Variants in SP100 observed in about 807,000 individuals in gnomAD.
SP100 encodes the protein nuclear autoantigen Sp-100.
A neutral mutation model predicts 130.0 loss-of-function variants in SP100; 84 were observed. The ratio of observed to expected loss-of-function variants is 0.65; its 90% CI spans 0.54 to 0.77. The LOEUF is 0.77. SP100 is among the 30% of genes least tolerant of loss of function. The probability of loss-of-function intolerance (pLI) is 0.00; values close to 1 mark genes in which losing one functional copy is unlikely to be tolerated. For missense variants in SP100, 978 were observed against 1,052.2 expected (o/e 0.93, Z 0.97); for synonymous variants, 331 against 351.7 (o/e 0.94, Z 0.66).
In SP100 at chr2:230,494,459, A is replaced by T; in HGVS notation, c.1644A>T (p.Arg548Ser). The T allele has an allele frequency of 6.2e-7, 1 of 1,606,092 alleles. No homozygotes were observed. The change falls in exon 18 of 29, where the codon AGA becomes AGT. Residue 548 changes from arginine (R) to serine (S), a missense_variant and splice_region_variant. Transcript: ENST00000340126. ...GATCTAAAGTAAATGGTCTCCAAAG[A>T]GGTAAGAAGAAATGTGGGGATTTAC... Reference protein sequence around the residue: ...RHRSKVNGLQRGRKKDRPRKH... With the variant: ...RHRSKVNGLQSGRKKDRPRKH...
Position 230,524,149 on chromosome 2 carries a change from C to T in SP100, c.2094+12983C>T, listed in dbSNP as rs1433825821. 1.1e-4 allele frequency among the ~76,000 whole-genome samples: 12 copies of T among 108,074 alleles called. No homozygotes were observed. In the East Asian group the frequency reaches 3.0e-3, roughly 27 times the overall value. 70.9% of individuals were successfully genotyped at this position (108,074 alleles called of 152,430 possible). On this transcript the variant is annotated intron_variant, in intron 24 of 28. Transcript: ENST00000340126. The stretch of plus-strand genomic sequence containing the variant: ...AGGATTTCGAGACCAGCCTGACCAA[C>T]ATGGTGAAACCCTGTCTATACTAAA...
intron 22 of SP100, 86 bp downstream of exon 22, chr2:230,506,531 A>G (rs1051770539): frequency 1.4e-5 from 20 of 1,392,470 alleles, no homozygotes; most frequent in Non-Finnish European, 1.8e-5. Flanking sequence ...CTCAGTGCCC[A>G]GAAATTCATC....
At chr2:230,445,714 C>G (rs979769238) in intron 4 of SP100, among the ~76,000 whole-genome samples, 2 of 152,124 alleles carry the variant, frequency 1.3e-5, no homozygotes, top group Non-Finnish European at 2.9e-5. Flanking sequence ...GCAGGATGGT[C>G]CAGGCTGCGG....
chr2:230,538,358 C>T (rs1188900466), intron 24 of SP100: 1 of 152,140 alleles, frequency 6.6e-6, no homozygotes, highest in Non-Finnish European at 1.5e-5. Context: ...TATCAGAAAC[C>T]TTGACCCAGC....
At chr2:230,527,552 C>T (rs964876544) in intron 24 of SP100, among the ~76,000 whole-genome samples, 1 of 152,170 alleles carries the variant, frequency 6.6e-6, no homozygotes, top group South Asian at 2.1e-4. Context: ...ATCATAATGA[C>T]AGGATCAAAC....
intron 17 of SP100, among the ~76,000 whole-genome samples, chr2:230,487,343 T>G (rs1167611736): frequency 1.3e-5 from 2 of 152,170 alleles, no homozygotes; most frequent in African/African-American, 4.8e-5. Context: ...TGAGTTAATT[T>G]TTGTGTAAGG....
chr2:230,501,191 G>A (rs1432173958), intron 19 of SP100, among the ~76,000 whole-genome samples: 10 of 152,110 alleles, frequency 6.6e-5, no homozygotes, highest in South Asian at 2.1e-4. Context: ...GCAGCCAGCC[G>A]AGATCCGTGC....
At chr2:230,531,414 G>C (rs1691695856) in intron 24 of SP100, among the ~76,000 whole-genome samples, 1 of 148,438 alleles carries the variant, frequency 6.7e-6, no homozygotes, top group East Asian at 2.0e-4. Context: ...ACCGGGGCCT[G>C]TTGGGGGGTT....
At chr2:230,459,746 C>T (rs1034083077) in intron 8 of SP100, among the ~76,000 whole-genome samples, 1 of 152,216 alleles carries the variant, frequency 6.6e-6, no homozygotes, top group Non-Finnish European at 1.5e-5. Context: ...AGACCCCTGT[C>T]ACTCTCACTA....
Position 230,476,333 on chromosome 2 carries a change from C to G in SP100, c.1600+1886C>G, listed in dbSNP as rs140181624. 6.5e-3 allele frequency among the ~76,000 whole-genome samples: 997 copies of G among 152,242 alleles called. 13 individuals are homozygous for G. The highest frequency in any genetic ancestry group is 0.022 in the African/African-American group (932 of 41,546). On this transcript the variant is annotated intron_variant, in intron 17 of 28. Transcript: ENST00000340126. ...GGGACTGTGTTCTTCATTTGATTCT[C>G]AGCTAGAACGTTTTTAGTGTATAAA...
intron 24 of SP100, chr2:230,515,854 A>G (rs1384717123): frequency 1.5e-6 from 2 of 1,312,770 alleles, no homozygotes; most frequent in African/African-American, 3.0e-5. Context: ...TGCCTGGTAC[A>G]GTATGGGGGT....
intron 11 of SP100, among the ~76,000 whole-genome samples, chr2:230,465,874 A>T (rs2064919335): frequency 6.6e-6 from 1 of 152,066 alleles, no homozygotes; most frequent in Admixed American, 6.6e-5. Flanking sequence ...AAGGAGAGAG[A>T]GAAAAACGCT....
intron 2 of SP100, among the ~76,000 whole-genome samples, chr2:230,437,632 C>A (rs1263326647): frequency 6.6e-6 from 1 of 151,980 alleles, no homozygotes; most frequent in African/African-American, 2.4e-5. Flanking sequence ...TGCAGAGGCT[C>A]ACTGCATCCT....
At chr2:230,501,343 T>C (rs2067011051) in intron 19 of SP100, among the ~76,000 whole-genome samples, 1 of 152,208 alleles carries the variant, frequency 6.6e-6, no homozygotes, top group Non-Finnish European at 1.5e-5. Flanking sequence ...CCTCCCCATG[T>C]ATCTCCATAA....
intron 8 of SP100, among the ~76,000 whole-genome samples, chr2:230,460,591 T>C (rs924376275): frequency 1.7e-5 from 1 of 59,820 alleles, no homozygotes; most frequent in South Asian, 4.3e-4. Context: ...GTAATCTGTT[T>C]CTTTTTTTTT....
In SP100 at chr2:230,416,745, T is replaced by C. The variant is rs2062609854; in HGVS notation, c.32+417T>C. The C allele has an allele frequency of 5.1e-6, 5 of 989,266 alleles. No individual in the cohort carries two copies. In the South Asian group the frequency reaches 1.3e-4, roughly 26 times the overall value. 61.3% of individuals were successfully genotyped at this position (989,266 alleles called of 1,614,324 possible). A position where few individuals can be genotyped will look rare whatever the true frequency, so the allele number is the denominator to read the frequency against. Reference sequence around the variant, plus strand: ...ACTCCAGGGTAAACACCTGGCTTACTTTTAAACATCAGACGCTGTGGTCTC... The same window carrying C: ...ACTCCAGGGTAAACACCTGGCTTACCTTTAAACATCAGACGCTGTGGTCTC... On this transcript the variant is annotated intron_variant, in intron 1 of 28. Transcript: ENST00000340126.
At chr2:230,422,022 G>T (rs1025459317) in intron 2 of SP100, among the ~76,000 whole-genome samples, 6 of 151,286 alleles carry the variant, frequency 4.0e-5, no homozygotes, top group Non-Finnish European at 7.4e-5. Context: ...AGACTCCCTG[G>T]TTTTTTTTCT....
intron 12 of SP100, among the ~76,000 whole-genome samples, 175 bp downstream of exon 12, chr2:230,466,529 T>C (rs904717301): frequency 3.3e-5 from 5 of 152,148 alleles, no homozygotes; most frequent in South Asian, 4.1e-4. Flanking sequence ...ATTAGGGAGG[T>C]TGGCTAACTG....
intron 25 of SP100, among the ~76,000 whole-genome samples, chr2:230,539,881 G>A (rs113702741): frequency 0.012 from 1,770 of 152,268 alleles, 48 homozygotes; most frequent in African/African-American, 0.04. Context: ...CAGAGGTGAT[G>A]GTGTGCAGGA....
Sources: gnomAD v4.1 joint callset for allele counts (sites outside exome capture counted in the v4.1 genomes callset) on GRCh38, gnomAD v4.1.1 for gene constraint, MANE v1.5 for transcripts, NCBI Gene and HGNC (gene_info 2026-07-23, HGNC 2026-07-21) for gene names.